The following FILIP1L variants were observed in gnomAD, a reference collection of about 807,000 sequenced individuals.
The protein encoded by FILIP1L is filamin A interacting protein 1 like, also known as filamin A-interacting protein 1-like.
A neutral mutation model predicts 96.6 loss-of-function variants in FILIP1L; 55 were observed. That is an observed-to-expected ratio of 0.57 (90% CI 0.46 to 0.71). FILIP1L has a LOEUF of 0.71. FILIP1L is among the 30% of genes least tolerant of loss of function. The pLI is 0.00. For missense variants in FILIP1L, 1,304 were observed against 1,321.2 expected (o/e 0.99, Z 0.20); for synonymous variants, 467 against 473.9 (o/e 0.99, Z 0.19).
chr3:99,851,488 C>A (rs935869029), intron 4 of FILIP1L, among the ~76,000 whole-genome samples: 2 of 152,146 alleles, frequency 1.3e-5, no homozygotes, highest in African/African-American at 4.8e-5. Context: ...CATCTCTGAG[C>A]CTCAATTTCC....
chr3:99,927,341 TA>T (rs1707325350), intron 3 of FILIP1L, among the ~76,000 whole-genome samples: 1 of 152,032 alleles, frequency 6.6e-6, no homozygotes, highest in Non-Finnish European at 1.5e-5. Flanking sequence ...AGTGCCTTGG[TA>T]AATCCAAAAT....
intron 1 of FILIP1L, among the ~76,000 whole-genome samples, chr3:99,967,467 T>C (rs933080431): frequency 1.3e-5 from 2 of 152,160 alleles, no homozygotes; most frequent in Admixed American, 6.5e-5. Context: ...GGAAGAAATA[T>C]GGTACATAGT....
At position 99,830,457 on chromosome 3, in the gene FILIP1L, G is replaced by C; in HGVS notation, c.3530C>G (p.Thr1177Ser). 2.2e-6 allele frequency: 1 copy of C among 456,244 alleles called. No individual in the cohort carries two copies. Among genetic ancestry groups the C allele is most frequent in the South Asian group, 1.6e-5 (1 of 64,506 alleles). 28.3% of individuals were successfully genotyped at this position (456,244 alleles called of 1,614,324 possible). Residue 1177 changes from threonine (T) to serine (S), a missense_variant, in exon 6 of 6, where the codon ACT becomes AGT. Physicochemically the swap from Thr to Ser is moderately conservative, Grantham distance 58 (BLOSUM62 1). Coordinates refer to ENST00000477258, the MANE Select transcript of FILIP1L (RefSeq NM_001387850.1). ...GTGGAGGAAGGTGTTGGAGGTGACA[G>C]TTCTCACGATGTGTAGCTTCCCACA... ...NGCGKLHIVR[T>S]VTSNTFLHVG...
chr3:99,954,142 G>A (rs913513320), intron 1 of FILIP1L, among the ~76,000 whole-genome samples: 12 of 152,226 alleles, frequency 7.9e-5, no homozygotes, highest in African/African-American at 2.9e-4. Flanking sequence ...GTAACTGTGA[G>A]GTACAAATAT....
intron 4 of FILIP1L, among the ~76,000 whole-genome samples, chr3:99,921,656 T>G (rs1707127918): frequency 6.6e-6 from 1 of 152,220 alleles, no homozygotes; most frequent in African/African-American, 2.4e-5. Context: ...TCCTACTTCT[T>G]GTTAATGGCA....
chr3:100,067,610 AAAG>A (rs555026535), intron 1 of FILIP1L, among the ~76,000 whole-genome samples: 188 of 152,342 alleles, frequency 1.2e-3, no homozygotes, highest in African/African-American at 4.1e-3. Flanking sequence ...CCTTAGGGGG[AAAG>A]AAGAACAACT....
intron 4 of FILIP1L, among the ~76,000 whole-genome samples, chr3:99,876,737 C>A (rs2107596226): frequency 6.6e-6 from 1 of 152,172 alleles, no homozygotes; most frequent in East Asian, 1.9e-4. Flanking sequence ...AACAATTCTT[C>A]AAGTGATGAT....
intron 1 of FILIP1L, among the ~76,000 whole-genome samples, chr3:99,960,844 T>C (rs549911289): frequency 3.9e-5 from 6 of 152,360 alleles, no homozygotes; most frequent in African/African-American, 1.4e-4. Flanking sequence ...TATATATTTT[T>C]GCGTTGTTAA....
chr3:99,902,999 T>C (rs1286447014), intron 4 of FILIP1L, among the ~76,000 whole-genome samples: 1 of 152,182 alleles, frequency 6.6e-6, no homozygotes, highest in Admixed American at 6.5e-5. Context: ...TGAGGTTTCA[T>C]GATTAAGGAT....
intron 1 of FILIP1L, among the ~76,000 whole-genome samples, chr3:100,020,760 C>CTT (rs34665880): frequency 0.06 from 4,280 of 71,130 alleles, 595 homozygotes; most frequent in African/African-American, 0.13. Flanking sequence ...GAATAATTAG[C>CTT]TTTTTTTTTT....
At chr3:99,938,095 A>C (rs540417186) in intron 1 of FILIP1L, among the ~76,000 whole-genome samples, 5 of 152,002 alleles carry the variant, frequency 3.3e-5, no homozygotes, top group East Asian at 3.9e-4. Context: ...GCGCGCGTGC[A>C]TGCACACTCG....
chr3:100,010,537 G>T (rs1710114601), intron 1 of FILIP1L, among the ~76,000 whole-genome samples: 2 of 151,914 alleles, frequency 1.3e-5, no homozygotes, highest in Non-Finnish European at 2.9e-5. Flanking sequence ...TGTATTTGGT[G>T]ACAATCTGGC....
chr3:99,832,231 CTTT>C (rs577849748), intron 5 of FILIP1L, among the ~76,000 whole-genome samples: 8 of 138,142 alleles, frequency 5.8e-5, no homozygotes, highest in Admixed American at 7.2e-5. Context: ...ATTCCTAAAT[CTTT>C]TTTTTTTTTT....
intron 1 of FILIP1L, among the ~76,000 whole-genome samples, chr3:100,111,912 A>G (rs1301787254): frequency 6.6e-6 from 1 of 152,212 alleles, no homozygotes; most frequent in African/African-American, 2.4e-5. Context: ...AACAACATGC[A>G]CAATACACAG....
At position 99,929,793 on chromosome 3, in the gene FILIP1L, T is replaced by C; in HGVS notation, c.426+63A>G. 4 of 1,230,418 alleles carry C rather than the reference T, an allele frequency of 3.3e-6. 1 individual carries two copies. The South Asian group carries it at 4.6e-5, about 14-fold the overall frequency. 76.2% of individuals were successfully genotyped at this position (1,230,418 alleles called of 1,614,324 possible). ...GGAATCAAAGAGGAGTTACAGATCATGCTCATCTGCAGGGCTAGTGCTTGG... is the reference window on the plus strand; with the variant it reads ...GGAATCAAAGAGGAGTTACAGATCACGCTCATCTGCAGGGCTAGTGCTTGG... On this transcript the variant is annotated intron_variant, in intron 3 of 5. Transcript: ENST00000477258.
chr3:99,871,183 T>C (rs989208530), intron 4 of FILIP1L, among the ~76,000 whole-genome samples: 1 of 152,234 alleles, frequency 6.6e-6, no homozygotes, highest in Non-Finnish European at 1.5e-5. Flanking sequence ...TGACTTAACC[T>C]GAGCCTAACT....
chr3:99,982,793 TA>T (rs1286339878), intron 1 of FILIP1L, among the ~76,000 whole-genome samples: 1 of 152,244 alleles, frequency 6.6e-6, no homozygotes, highest in Non-Finnish European at 1.5e-5. Context: ...AATGTGCTTA[TA>T]AAATTTGTGA....
rs144080272 is a variant in FILIP1L at position 99,935,006 on chromosome 3, GTC to G, written c.-10-3978_-10-3977del. On this transcript the variant is annotated intron_variant, in intron 1 of 5. Coordinates refer to ENST00000477258, the MANE Select transcript of FILIP1L (RefSeq NM_001387850.1). ...ACTTCTGGTCTACTGAGGAGCATGT[GTC>G]TCTACATGTTTACAGTGGTGGAGTT... Among the ~76,000 whole-genome samples, 477 of 152,240 alleles carry G rather than the reference GTC, an allele frequency of 3.1e-3. 5 individuals carry two copies. Among genetic ancestry groups the G allele is most frequent in the African/African-American group, 0.011 (455 of 41,540 alleles).
chr3:99,832,857 A>AAAT (rs1942736323), intron 5 of FILIP1L, among the ~76,000 whole-genome samples: 1 of 139,264 alleles, frequency 7.2e-6, no homozygotes, highest in African/African-American at 2.7e-5. Context: ...AAAAAAAAAA[A>AAAT]GTTGTTTTTT....
Sources: gnomAD v4.1 joint callset for allele counts (sites outside exome capture counted in the v4.1 genomes callset) on GRCh38, gnomAD v4.1.1 for gene constraint, MANE v1.5 for transcripts, NCBI Gene and HGNC (gene_info 2026-07-23, HGNC 2026-07-21) for gene names.